The following NLGN1 variants were observed in gnomAD, a reference collection of about 807,000 sequenced individuals.
NLGN1 encodes the protein neuroligin-1.
Under a neutral mutation model 65.5 loss-of-function variants are expected in NLGN1, and 12 were observed. That is an observed-to-expected ratio of 0.18 (90% CI 0.12 to 0.30). NLGN1 has a LOEUF of 0.30. NLGN1 is among the 10% of genes least tolerant of loss of function. The pLI, the probability that NLGN1 is intolerant of heterozygous loss-of-function variation, is 1.00. For synonymous variants in NLGN1, 350 were observed against 359.5 expected (o/e 0.97, Z 0.30); for missense variants, 750 against 1,007.1 (o/e 0.74, Z 3.46).
At chr3:173,755,718 A>AT (rs1777001293) in intron 3 of NLGN1, among the ~76,000 whole-genome samples, 1 of 152,108 alleles carries the variant, frequency 6.6e-6, no homozygotes, top group African/African-American at 2.4e-5. Context: ...CAAATCAAGA[A>AT]TGCAAACATA....
At chr3:173,966,018 T>C (rs1396903281) in intron 4 of NLGN1, among the ~76,000 whole-genome samples, 1 of 152,190 alleles carries the variant, frequency 6.6e-6, no homozygotes, top group Non-Finnish European at 1.5e-5. Flanking sequence ...TGGGAACGTC[T>C]AAATTTTGTA....
intron 1 of NLGN1, among the ~76,000 whole-genome samples, chr3:173,420,471 C>G (rs1714821261): frequency 6.6e-6 from 1 of 151,806 alleles, no homozygotes. Context: ...TTAATCCAGT[C>G]TATCATTGTT....
intron 4 of NLGN1, among the ~76,000 whole-genome samples, chr3:173,836,800 A>G (rs1424549777): frequency 2.6e-5 from 4 of 152,194 alleles, no homozygotes; most frequent in Non-Finnish European, 5.9e-5. Flanking sequence ...CAGTGGAATC[A>G]AAAGTTAGAA....
intron 4 of NLGN1, among the ~76,000 whole-genome samples, chr3:173,847,368 A>C (rs1578764375): frequency 6.6e-6 from 1 of 152,266 alleles, no homozygotes; most frequent in South Asian, 2.1e-4. Flanking sequence ...TAAAGATGAT[A>C]TGGTTTTTTA....
At chr3:173,908,969 A>T (rs894113977) in intron 4 of NLGN1, among the ~76,000 whole-genome samples, 3 of 152,110 alleles carry the variant, frequency 2.0e-5, no homozygotes, top group African/African-American at 7.2e-5. Context: ...AAGTAGCTTA[A>T]ACCCAGTGTC....
Position 173,712,574 on chromosome 3 carries a change from G to A in NLGN1, c.494-95106G>A, listed in dbSNP as rs564091359. Among the ~76,000 whole-genome samples, 10 of 152,228 alleles carry A rather than the reference G, an allele frequency of 6.6e-5. No individual in the cohort carries two copies. In the East Asian group the frequency reaches 1.2e-3, roughly 18 times the overall value. On this transcript the variant is annotated intron_variant, in intron 3 of 6. Transcript: ENST00000457714. ...AAGCTTATGTTTCTTACTGTAAAATGAGGATAATAGTAGAATTTAATTTCT... is the reference window on the plus strand; with the variant it reads ...AAGCTTATGTTTCTTACTGTAAAATAAGGATAATAGTAGAATTTAATTTCT...
At chr3:173,677,781 A>G (rs1044513299) in intron 3 of NLGN1, among the ~76,000 whole-genome samples, 1 of 152,112 alleles carries the variant, frequency 6.6e-6, no homozygotes. Context: ...AATTTCCATA[A>G]CAATCCTTCC....
chr3:173,942,138 GTGTA>G (rs1198936327), intron 4 of NLGN1, among the ~76,000 whole-genome samples: 100 of 147,964 alleles, frequency 6.8e-4, no homozygotes, highest in African/African-American at 2.0e-3. Flanking sequence ...GTGTGTGTGT[GTGTA>G]TGTGTGTGTG....
intron 3 of NLGN1, among the ~76,000 whole-genome samples, chr3:173,788,833 TAAAAAAAA>T (rs3979635): frequency 7.5e-5 from 4 of 53,488 alleles, no homozygotes; most frequent in East Asian, 4.4e-4. Context: ...AGACCTCATT[TAAAAAAAA>T]AAAAAAAAAA....
chr3:173,436,232 A>G (rs1718118060), intron 2 of NLGN1, among the ~76,000 whole-genome samples: 1 of 152,254 alleles, frequency 6.6e-6, no homozygotes, highest in African/African-American at 2.4e-5. Context: ...ACAATTTTTC[A>G]TTGTCACCAT....
chr3:173,780,182 A>G (rs1780910740), intron 3 of NLGN1, among the ~76,000 whole-genome samples: 3 of 152,186 alleles, frequency 2.0e-5, no homozygotes, highest in African/African-American at 7.2e-5. Context: ...TCTCACTTCC[A>G]TACATAATAA....
intron 3 of NLGN1, among the ~76,000 whole-genome samples, chr3:173,613,434 C>G (rs932824815): frequency 3.9e-5 from 6 of 152,020 alleles, no homozygotes; most frequent in African/African-American, 1.4e-4. Flanking sequence ...TGGTATTTTT[C>G]TATCAAGATA....
intron 2 of NLGN1, among the ~76,000 whole-genome samples, chr3:173,458,011 C>T (rs1722778714): frequency 6.6e-6 from 1 of 151,992 alleles, no homozygotes; most frequent in African/African-American, 2.4e-5. Context: ...ATTAAGGAGA[C>T]AGTCCAGAGT....
intron 2 of NLGN1, among the ~76,000 whole-genome samples, chr3:173,472,833 C>T (rs529920094): frequency 6.2e-4 from 95 of 152,196 alleles, no homozygotes; most frequent in African/African-American, 2.2e-3. Flanking sequence ...CTATGTAAGG[C>T]ATTTTGACTC....
rs1231960434 is a variant in NLGN1 at position 173,611,521 on chromosome 3, T to C, written c.493+6430T>C. On this transcript the variant is annotated intron_variant, in intron 3 of 6. Coordinates refer to ENST00000457714, the Ensembl canonical transcript of NLGN1. ...GAAAAATCACCACACACTGAAATAA[T>C]TAAAACGCCTAGTTCACTTAGAGTT... Among the ~76,000 whole-genome samples the C allele has an allele frequency of 2.0e-5, 3 of 152,056 alleles. No homozygotes were observed. The East Asian group carries it at 5.8e-4, about 29-fold the overall frequency.
intron 2 of NLGN1, among the ~76,000 whole-genome samples, chr3:173,449,521 G>GA (rs1264527814): frequency 6.9e-6 from 1 of 145,020 alleles, no homozygotes; most frequent in East Asian, 2.1e-4. Context: ...GTGTGGTGCT[G>GA]AAAAAAATGT....
chr3:173,753,242 C>T (rs1398053455), intron 3 of NLGN1, among the ~76,000 whole-genome samples: 1 of 152,048 alleles, frequency 6.6e-6, no homozygotes, highest in Non-Finnish European at 1.5e-5. Flanking sequence ...CTGCAGGCAT[C>T]TCCCTCAATT....
intron 3 of NLGN1, among the ~76,000 whole-genome samples, chr3:173,721,250 G>C (rs1770785926): frequency 6.6e-6 from 1 of 152,204 alleles, no homozygotes; most frequent in Admixed American, 6.5e-5. Flanking sequence ...AAATGAGCTT[G>C]GTGTTGACTG....
chr3:173,669,344 A>C (rs1018900733), intron 3 of NLGN1, among the ~76,000 whole-genome samples: 1 of 152,224 alleles, frequency 6.6e-6, no homozygotes, highest in South Asian at 2.1e-4. Context: ...TTGTCCCTTC[A>C]GGCCAGAAGT....
Sources: allele counts gnomAD v4.1 joint callset (sites outside exome capture counted in the v4.1 genomes callset), GRCh38; gene constraint gnomAD v4.1.1; transcripts MANE v1.5; gene names NCBI Gene and HGNC (gene_info 2026-07-23, HGNC 2026-07-21).